TSPAN2: variants seen among roughly 807,000 people sequenced by gnomAD.
The protein encoded by TSPAN2 is tetraspanin 2.
In TSPAN2, 24 loss-of-function variants were observed where a neutral mutation model predicts 33.3. The observed-to-expected ratio is 0.72, with a 90% CI of 0.52 to 1.01. The LOEUF (loss-of-function observed/expected upper bound fraction) is 1.01. Among genes scored for constraint, TSPAN2 ranks in the 50% least tolerant of loss-of-function variants. TSPAN2 has a pLI of 0.00. For synonymous variants in TSPAN2, 114 were observed against 104.5 expected (o/e 1.09, Z -0.56); for missense variants, 278 against 281.3 (o/e 0.99, Z 0.08).
At chr1:115,061,019 T>G (rs1647698599) in intron 3 of TSPAN2, among the ~76,000 whole-genome samples, 1 of 152,236 alleles carries the variant, frequency 6.6e-6, no homozygotes, top group South Asian at 2.1e-4. Context: ...AAGGCTTCTT[T>G]GAGGAGATGA....
At chr1:115,080,593 C>T (rs1458102616) in intron 1 of TSPAN2, among the ~76,000 whole-genome samples, 1 of 152,142 alleles carries the variant, frequency 6.6e-6, no homozygotes, top group African/African-American at 2.4e-5. Flanking sequence ...CTTCTTTATA[C>T]TATACAGCAA....
At chr1:115,075,555 T>C (rs1356372109) in intron 1 of TSPAN2, among the ~76,000 whole-genome samples, 2 of 152,186 alleles carry the variant, frequency 1.3e-5, no homozygotes, top group African/African-American at 2.4e-5. Context: ...TGGGCTTTGA[T>C]CACAGACTAG....
chr1:115,080,974 G>A (rs943515264), intron 1 of TSPAN2, among the ~76,000 whole-genome samples: 1 of 152,154 alleles, frequency 6.6e-6, no homozygotes. Context: ...AACTACTTTG[G>A]AGCAGATAAA....
At chr1:115,088,178 A>T (rs1648917869) in intron 1 of TSPAN2, among the ~76,000 whole-genome samples, 1 of 152,234 alleles carries the variant, frequency 6.6e-6, no homozygotes, top group Admixed American at 6.5e-5. Context: ...GCTGAAGGAT[A>T]CTGAAGAGCT....
intron 1 of TSPAN2, among the ~76,000 whole-genome samples, chr1:115,077,224 A>G (rs1360864867): frequency 6.6e-6 from 1 of 152,050 alleles, no homozygotes; most frequent in African/African-American, 2.4e-5. Flanking sequence ...CAGCCTCATC[A>G]TTCCTTTTCT....
intron 4 of TSPAN2, 102 bp from the exon 5 acceptor site, chr1:115,059,083 T>C: frequency 1.1e-6 from 1 of 882,986 alleles, no homozygotes; most frequent in Non-Finnish European, 1.8e-6. Context: ...TGAAAAACAC[T>C]GCCTTTCTCA....
intron 7 of TSPAN2, among the ~76,000 whole-genome samples, chr1:115,052,780 A>G (rs1281664598): frequency 6.6e-6 from 1 of 152,204 alleles, no homozygotes; most frequent in African/African-American, 2.4e-5. Context: ...TGAGTGTTAT[A>G]TGTCCCAGAC....
intron 6 of TSPAN2, among the ~76,000 whole-genome samples, chr1:115,055,089 T>C (rs947336864): frequency 3.9e-5 from 6 of 152,332 alleles, no homozygotes; most frequent in Admixed American, 3.9e-4. Flanking sequence ...TTACTTTTTT[T>C]CCTTCCTATA....
rs1387242895 is a variant in TSPAN2, at chr1:115,048,587, C to T, written c.*1903G>A. On this transcript the variant is annotated 3_prime_UTR_variant, in exon 8 of 8. Coordinates refer to ENST00000369516, the MANE Select transcript of TSPAN2 (RefSeq NM_005725.6). ...TAATTCAGATAGGAAACTAAACTCACTTTTGTGGAATCAGAGATGATTCTG... is the reference window on the plus strand; with the variant it reads ...TAATTCAGATAGGAAACTAAACTCATTTTTGTGGAATCAGAGATGATTCTG... 6.6e-6 allele frequency: 1 copy of T among 151,898 alleles called. No individual in the cohort carries two copies. The highest frequency in any genetic ancestry group is 2.4e-5 in the African/African-American group (1 of 41,372). 9.4% of individuals were successfully genotyped at this position (151,898 alleles called of 1,614,324 possible).
chr1:115,050,322 A>T lies in TSPAN2; in HGVS notation c.*168T>A. 1 of 672,350 alleles carries T rather than the reference A, an allele frequency of 1.5e-6. No individual in the cohort carries two copies. The highest frequency in any genetic ancestry group is 2.7e-5 in the East Asian group (1 of 36,548). The allele number at this position is 672,350 out of a possible 1,614,324, so 41.6% of individuals were successfully genotyped here. On this transcript the variant is annotated 3_prime_UTR_variant, in exon 8 of 8. Transcript: ENST00000369516. ...GTCATCATAAACAGGCATTCACTCA[A>T]GGGGTAAACCAGTAATGAGCCAAAC...
chr1:115,088,988 G>A (rs1398721192), intron 1 of TSPAN2, among the ~76,000 whole-genome samples: 6 of 144,620 alleles, frequency 4.1e-5, no homozygotes, highest in African/African-American at 1.3e-4. Flanking sequence ...AGAGTGAAAA[G>A]GGGGTGTGTG....
chr1:115,054,564 C>G (rs191131692), intron 6 of TSPAN2, among the ~76,000 whole-genome samples: 2 of 152,328 alleles, frequency 1.3e-5, no homozygotes, highest in Admixed American at 1.3e-4. Context: ...AATTCTTTCA[C>G]TCTTCCTCTC....
chr1:115,089,402 T>C lies in TSPAN2; in HGVS notation c.31A>G (p.Ile11Val), dbSNP rs769520827. 6.3e-7 allele frequency: 1 copy of C among 1,594,222 alleles called. No homozygotes were observed. The highest frequency in any genetic ancestry group is 8.5e-7 in the Non-Finnish European group (1 of 1,171,926). The change falls in exon 1 of 8, where the codon ATC becomes GTC. Residue 11 changes from isoleucine to valine, a missense_variant. By Grantham distance (29) the Ile-to-Val change is conservative (BLOSUM62 3). Transcript: ENST00000369516. MGRFRGGLRC[I>V]KYLLLGFNLL... ...TTGAAGCCAAGCAGCAGGTACTTGA[T>C]GCACCGCAGGCCCCCGCGGAAGCGC...
At chr1:115,067,727 G>A (rs1352031511) in intron 2 of TSPAN2, among the ~76,000 whole-genome samples, 2 of 152,212 alleles carry the variant, frequency 1.3e-5, no homozygotes, top group East Asian at 1.9e-4. Flanking sequence ...CGATCCTGGA[G>A]AGCCGAGTGG....
chr1:115,065,545 T>G (rs1479204714), intron 2 of TSPAN2, among the ~76,000 whole-genome samples: 1 of 152,220 alleles, frequency 6.6e-6, no homozygotes, highest in African/African-American at 2.4e-5. Context: ...CTCTGTGACA[T>G]GCTACCACAA....
chr1:115,058,852 G>T (rs1376555119), intron 5 of TSPAN2, 31 bp downstream of exon 5: 27 of 1,512,022 alleles, frequency 1.8e-5, no homozygotes, highest in Non-Finnish European at 2.5e-5. Context: ...TTTAGAAGCT[G>T]TGATTTTAAG....
chr1:115,053,296 A>G, intron 7 of TSPAN2, 83 bp downstream of exon 7: 1 of 1,200,560 alleles, frequency 8.3e-7, no homozygotes, highest in Admixed American at 1.9e-5. Flanking sequence ...CTCTTAAGAT[A>G]CTATCACACT....
intron 6 of TSPAN2, among the ~76,000 whole-genome samples, chr1:115,055,586 C>T (rs969402245): frequency 5.9e-5 from 9 of 151,918 alleles, no homozygotes; most frequent in Non-Finnish European, 1.2e-4. Context: ...TGCAGTGGCG[C>T]GATCTCGGCT....
chr1:115,078,956 C>G (rs946975119), intron 1 of TSPAN2, among the ~76,000 whole-genome samples: 2 of 152,174 alleles, frequency 1.3e-5, no homozygotes, highest in Non-Finnish European at 2.9e-5. Context: ...AAAACACATG[C>G]CTCAGAAACA....
Sources: allele counts gnomAD v4.1 joint callset (sites outside exome capture counted in the v4.1 genomes callset), GRCh38; gene constraint gnomAD v4.1.1; transcripts MANE v1.5; gene names NCBI Gene and HGNC (gene_info 2026-07-23, HGNC 2026-07-21).